The following VAMP5 variants were observed in gnomAD, a reference collection of about 807,000 sequenced individuals.
VAMP5 encodes vesicle-associated membrane protein 5.
A neutral mutation model predicts 8.1 loss-of-function variants in VAMP5; 10 were observed. That is an observed-to-expected ratio of 1.23 (90% CI 0.76 to 2.09). The LOEUF (loss-of-function observed/expected upper bound fraction) is 2.09. Among genes scored for constraint, VAMP5 ranks in the 30% most tolerant of loss-of-function variants. The probability of loss-of-function intolerance (pLI) is 0.00; values close to 1 mark genes in which losing one functional copy is unlikely to be tolerated. For missense variants in VAMP5, 135 were observed against 152.5 expected (o/e 0.89, Z 0.60); for synonymous variants, 62 against 60.6 (o/e 1.02, Z -0.11).
At position 85,593,297 on chromosome 2, in the gene VAMP5, G is replaced by C; in HGVS notation, c.*140G>C. The stretch of plus-strand genomic sequence containing the variant: ...CAACATGTGCACCCCTGCATTTCCT[G>C]TCATGCCACAGACTGGCCCTTGAGG... On this transcript the variant is annotated 3_prime_UTR_variant, in exon 3 of 3. Transcript: ENST00000306384. 2 of 917,938 alleles carry C rather than the reference G, an allele frequency of 2.2e-6. No individual in the cohort carries two copies. The highest frequency in any genetic ancestry group is 3.3e-6 in the Non-Finnish European group (2 of 598,072). 56.9% of individuals were successfully genotyped at this position (917,938 alleles called of 1,614,324 possible). A position where few individuals can be genotyped will look rare whatever the true frequency, so the allele number is the denominator to read the frequency against.
Position 85,587,503 on chromosome 2 carries a change from C to T in VAMP5, c.3+3010C>T, listed in dbSNP as rs200805403. On this transcript the variant is annotated intron_variant, in intron 1 of 2. Transcript: ENST00000306384. Reference sequence around the variant, plus strand: ...TCCTGACCTTGTGATCCACCTGCCTCGGCCTCCCAAAGTGCTGGGATTACA... The same window carrying T: ...TCCTGACCTTGTGATCCACCTGCCTTGGCCTCCCAAAGTGCTGGGATTACA... Among the ~76,000 whole-genome samples, 524 of 151,808 alleles carry T rather than the reference C, an allele frequency of 3.5e-3. 3 individuals are homozygous for T. The highest frequency in any genetic ancestry group is 5.7e-3 in the Non-Finnish European group (386 of 67,966).
At chr2:85,592,886 G>A in intron 2 of VAMP5, 62 bp from the exon 3 acceptor site, 1 of 1,590,346 alleles carries the variant, frequency 6.3e-7, no homozygotes. Context: ...GTTGGGAGGA[G>A]CTGGCTCCCA....
At chr2:85,592,604 T>C (rs1482746560) in intron 2 of VAMP5, among the ~76,000 whole-genome samples, 1 of 151,790 alleles carries the variant, frequency 6.6e-6, no homozygotes, top group Non-Finnish European at 1.5e-5. Context: ...AGTTCAAGAC[T>C]ATCCTAGCCA....
chr2:85,588,445 C>A (rs1020353418), intron 1 of VAMP5, among the ~76,000 whole-genome samples: 2 of 152,098 alleles, frequency 1.3e-5, no homozygotes, highest in Non-Finnish European at 1.5e-5. Context: ...AATTCCAAGC[C>A]CTGCAGGCTT....
chr2:85,592,256 C>G (rs947706804), intron 2 of VAMP5, among the ~76,000 whole-genome samples: 3 of 152,172 alleles, frequency 2.0e-5, no homozygotes, highest in African/African-American at 7.2e-5. Flanking sequence ...CACCACCATG[C>G]CTGTCTAATT....
At chr2:85,588,888 C>T (rs1475929352) in intron 1 of VAMP5, among the ~76,000 whole-genome samples, 1 of 152,172 alleles carries the variant, frequency 6.6e-6, no homozygotes, top group African/African-American at 2.4e-5. Flanking sequence ...CTCTCTGTGG[C>T]AGCTCTGATA....
chr2:85,585,611 C>A (rs1234267738), intron 1 of VAMP5, among the ~76,000 whole-genome samples: 1 of 152,200 alleles, frequency 6.6e-6, no homozygotes, highest in Non-Finnish European at 1.5e-5. Flanking sequence ...CTTCAGCCGG[C>A]CCTTAGCTCT....
intron 2 of VAMP5, 40 bp downstream of exon 2, chr2:85,591,902 T>C: frequency 1.2e-6 from 2 of 1,610,934 alleles, no homozygotes; most frequent in Non-Finnish European, 1.7e-6. Flanking sequence ...GGGGAGAGGA[T>C]TGGGAAAGTC....
rs751121461 is a variant in VAMP5, at chr2:85,592,929, T to C, written c.142-19T>C. 2 of 1,612,898 alleles carry C rather than the reference T, an allele frequency of 1.2e-6. No individual in the cohort carries two copies. Among genetic ancestry groups the C allele is most frequent in the East Asian group, 2.2e-5 (1 of 44,876 alleles). On this transcript the variant is annotated intron_variant, in intron 2 of 2. Coordinates refer to ENST00000306384, the MANE Select transcript of VAMP5 (RefSeq NM_006634.3). ...AGGGTGCCAGCTAACTCCCACTTTG[T>C]GTCTGGGGGTATCCGCAGAGCTCAA...
At chr2:85,590,408 G>T (rs1672523112) in intron 1 of VAMP5, among the ~76,000 whole-genome samples, 1 of 152,192 alleles carries the variant, frequency 6.6e-6, no homozygotes, top group Non-Finnish European at 1.5e-5. Flanking sequence ...GCAGGGCACT[G>T]CTCCCTGCCC....
At chr2:85,586,058 CCA>C (rs1412277279) in intron 1 of VAMP5, among the ~76,000 whole-genome samples, 1 of 152,160 alleles carries the variant, frequency 6.6e-6, no homozygotes, top group Non-Finnish European at 1.5e-5. Flanking sequence ...GTGTGTTGAG[CCA>C]CAGGCCTCCC....
intron 1 of VAMP5, among the ~76,000 whole-genome samples, chr2:85,585,962 C>T (rs1406276052): frequency 6.6e-6 from 1 of 152,174 alleles, no homozygotes. Context: ...AGAGCAGGAA[C>T]AAAGCAGTGA....
At chr2:85,592,397 T>C (rs1417242988) in intron 2 of VAMP5, among the ~76,000 whole-genome samples, 1 of 152,196 alleles carries the variant, frequency 6.6e-6, no homozygotes, top group East Asian at 1.9e-4. Flanking sequence ...GTGTCCAGCC[T>C]GAGTACTGGC....
rs769624757 is a variant in VAMP5 at position 85,591,810 on chromosome 2, G to A, written c.89G>A (p.Arg30His). 17 of 1,614,078 alleles carry A rather than the reference G, an allele frequency of 1.1e-5. No homozygotes were observed. The highest frequency in any genetic ancestry group is 6.7e-5 in the African/African-American group (5 of 74,928). The change falls in exon 2 of 3, where the codon CGT becomes CAT. Residue 30 changes from arginine to histidine, a missense_variant. Transcript: ENST00000306384. ...MRNNFGKVLE[R>H]GVKLAELQQR... ...AACAACTTCGGCAAGGTCCTGGAGC[G>A]TGGTGTGAAGCTGGCCGAACTGCAG...
intron 2 of VAMP5, 39 bp from the exon 3 acceptor site, chr2:85,592,909 G>A (rs2104053659): frequency 6.2e-7 from 1 of 1,610,690 alleles, no homozygotes; most frequent in Non-Finnish European, 8.5e-7. Context: ...CCAAGAGGGT[G>A]CCAGCTAACT....
At chr2:85,590,362 T>C (rs1160902592) in intron 1 of VAMP5, among the ~76,000 whole-genome samples, 3 of 152,204 alleles carry the variant, frequency 2.0e-5, no homozygotes, top group African/African-American at 7.2e-5. Flanking sequence ...TGGTCAGCAC[T>C]GTGCTGGCCT....
intron 2 of VAMP5, among the ~76,000 whole-genome samples, chr2:85,592,355 C>G (rs1038782255): frequency 3.9e-5 from 6 of 152,172 alleles, no homozygotes; most frequent in Admixed American, 6.5e-5. Flanking sequence ...CCTTGGCTTT[C>G]CAATGTGCTG....
chr2:85,592,687 G>A (rs1452576945), intron 2 of VAMP5, among the ~76,000 whole-genome samples: 1 of 151,908 alleles, frequency 6.6e-6, no homozygotes, highest in African/African-American at 2.4e-5. Context: ...TGTAGTCCCA[G>A]CTACTAGGGA....
In VAMP5 at chr2:85,592,931, T is replaced by C. The variant is rs1161053465; in HGVS notation, c.142-17T>C. ...GGTGCCAGCTAACTCCCACTTTGTGTCTGGGGGTATCCGCAGAGCTCAACC... is the reference window on the plus strand; with the variant it reads ...GGTGCCAGCTAACTCCCACTTTGTGCCTGGGGGTATCCGCAGAGCTCAACC... On this transcript the variant is annotated splice_polypyrimidine_tract_variant and intron_variant, in intron 2 of 2. Coordinates refer to ENST00000306384, the MANE Select transcript of VAMP5 (RefSeq NM_006634.3). 1 of 1,612,914 alleles carries C rather than the reference T, an allele frequency of 6.2e-7. No individual in the cohort carries two copies. Among genetic ancestry groups the C allele is most frequent in the Non-Finnish European group, 8.5e-7 (1 of 1,179,944 alleles).
Sources: allele counts gnomAD v4.1 joint callset (sites outside exome capture counted in the v4.1 genomes callset), GRCh38; gene constraint gnomAD v4.1.1; transcripts MANE v1.5; gene names NCBI Gene and HGNC (gene_info 2026-07-23, HGNC 2026-07-21).